Variants in CACNA1I observed in about 807,000 individuals in gnomAD.
The protein encoded by CACNA1I is calcium voltage-gated channel subunit alpha1 I.
In CACNA1I, 74 loss-of-function variants were observed where a neutral mutation model predicts 201.6. The ratio of observed to expected loss-of-function variants is 0.37; its 90% confidence interval spans 0.30 to 0.45. CACNA1I has a LOEUF of 0.45. CACNA1I is among the 20% of genes least tolerant of loss of function. CACNA1I has a pLI of 1.00. For missense variants in CACNA1I, 2,346 were observed against 3,138.1 expected (o/e 0.75, Z 6.03); for synonymous variants, 1,431 against 1,345.2 (o/e 1.06, Z -1.40).
At chr22:39,664,683 G>GC in intron 20 of CACNA1I, 56 bp from the exon 21 acceptor site, 15 of 260,840 alleles carry the variant, frequency 5.8e-5, no homozygotes, top group Admixed American at 1.8e-4. Flanking sequence ...GGTTGGCCCC[G>GC]CCCACCTGCC....
rs1935167424 is a variant in CACNA1I at position 39,665,701 on chromosome 22, ACT to A, written c.3978+79_3978+80del. On this transcript the variant is annotated intron_variant, in intron 22 of 36. Coordinates refer to ENST00000402142, the MANE Select transcript of CACNA1I (RefSeq NM_021096.4). The surrounding 1 kb of genome is among the most constrained non-coding windows in gnomAD (Gnocchi z 5.5). ...GAAGTCTCAGACAGCCAGGGGAGAG[ACT>A]CCACATTCCAACCTCATGCGCCTTG... is the stretch of plus-strand genomic sequence containing the variant. The A allele has an allele frequency of 6.3e-7, 1 of 1,575,184 alleles. No individual in the cohort carries two copies. The highest frequency in any genetic ancestry group is 8.7e-7 in the Non-Finnish European group (1 of 1,154,090).
chr22:39,588,459 C>T lies in CACNA1I; in HGVS notation c.237-9692C>T, dbSNP rs554558260. Among the ~76,000 whole-genome samples the T allele has an allele frequency of 2.7e-5, 4 of 149,412 alleles. No individual in the cohort carries two copies. In the East Asian group the frequency reaches 7.9e-4, roughly 29 times the overall value. On this transcript the variant is annotated intron_variant, in intron 1 of 36. Transcript: ENST00000402142. Reference sequence around the variant, plus strand: ...GGAGTGCAGTGGCGTGATCTCGGCTCACTGCAAGCTCCACCTTCTGAGTTC... The same window carrying T: ...GGAGTGCAGTGGCGTGATCTCGGCTTACTGCAAGCTCCACCTTCTGAGTTC...
At chr22:39,651,088 A>G (rs911310748) in intron 10 of CACNA1I, among the ~76,000 whole-genome samples, 1 of 151,932 alleles carries the variant, frequency 6.6e-6, no homozygotes, top group Non-Finnish European at 1.5e-5. Flanking sequence ...CCCTGAACCC[A>G]CTCCCCAGCT....
intron 32 of CACNA1I, 25 bp from the exon 33 acceptor site, chr22:39,679,697 C>T (rs1257256980): frequency 1.3e-6 from 2 of 1,597,668 alleles, no homozygotes; most frequent in Non-Finnish European, 1.7e-6. Flanking sequence ...TCCCGCCTGT[C>T]CCCACCCCGT....
chr22:39,619,051 C>G (rs1933647265), intron 3 of CACNA1I, among the ~76,000 whole-genome samples: 1 of 152,166 alleles, frequency 6.6e-6, no homozygotes, highest in African/African-American at 2.4e-5. Context: ...GCTGGGCACA[C>G]AGTGGGAGCC....
chr22:39,668,200 A>C, intron 23 of CACNA1I, 92 bp from the exon 24 acceptor site: 1 of 748,996 alleles, frequency 1.3e-6, no homozygotes, highest in Non-Finnish European at 2.3e-6. Context: ...CTGCCTCCCA[A>C]GGGCAGAAGA....
rs954775228 is a variant in CACNA1I at position 39,649,445 on chromosome 22, G to T, written c.1568-56G>T. On this transcript the variant is annotated intron_variant, in intron 9 of 36. Transcript: ENST00000402142. This position sits in a 1 kb window ranked among gnomAD's most constrained non-coding sequence, Gnocchi z 7.3. ...AAGCGCACTCAGGGATGTGTCCCAG[G>T]GTGGATTGGGCCTGGTGTGGGCAAC... 8 of 1,477,558 alleles carry T rather than the reference G, an allele frequency of 5.4e-6. No homozygotes were observed. The highest frequency in any genetic ancestry group is 5.0e-5 in the East Asian group (2 of 40,040). The allele number at this position is 1,477,558 out of a possible 1,614,324, so 91.5% of individuals were successfully genotyped here. A position where few individuals can be genotyped will look rare whatever the true frequency, so the allele number is the denominator to read the frequency against.
chr22:39,664,810 T>A lies in CACNA1I; in HGVS notation c.3738T>A (p.Phe1246Leu). 1 of 1,613,142 alleles carries A rather than the reference T, an allele frequency of 6.2e-7. No homozygotes were observed. The highest frequency in any genetic ancestry group is 1.1e-5 in the South Asian group (1 of 91,056). ...LRSSWNVLDG[F>L]LVFVSIIDIV... ...GCAGCTGGAACGTGCTGGATGGCTT[T>A]CTTGTCTTCGTGTCCATCATCGACA... Residue 1246 changes from phenylalanine to leucine, a missense_variant, in exon 21 of 37, where the codon TTT becomes TTA. Physicochemically the swap from Phe to Leu is conservative, Grantham distance 22. Coordinates refer to ENST00000402142, the MANE Select transcript of CACNA1I (RefSeq NM_021096.4).
Position 39,649,530 on chromosome 22 carries a change from G to T in CACNA1I, c.1597G>T (p.Ala533Ser). The change falls in exon 10 of 37, where the codon GCG (alanine) becomes TCG (serine). Residue 533 changes from alanine (A) to serine (S), a missense_variant. Physicochemically the swap from Ala to Ser is moderately conservative, Grantham distance 99. Coordinates refer to ENST00000402142, the MANE Select transcript of CACNA1I (RefSeq NM_021096.4). This position sits in a 1 kb window ranked among gnomAD's most constrained non-coding sequence, Gnocchi z 7.3. The stretch of plus-strand genomic sequence containing the variant: ...GTGCCCGCAACATAGCCCCCTGGAT[G>T]CGACGCCCCACACCCTGGTGCAGCC... ...ELCPQHSPLD[A>S]TPHTLVQPIP... is the part of the protein sequence containing the mutation. The T allele has an allele frequency of 1.3e-6, 2 of 1,560,318 alleles. No homozygotes were observed. Among genetic ancestry groups the T allele is most frequent in the Non-Finnish European group, 1.7e-6 (2 of 1,152,362 alleles).
rs778097764 is a variant in CACNA1I at position 39,640,855 on chromosome 22, G to A, written c.741-12G>A. On this transcript the variant is annotated splice_polypyrimidine_tract_variant and intron_variant, in intron 5 of 36. Coordinates refer to ENST00000402142, the MANE Select transcript of CACNA1I (RefSeq NM_021096.4). ...CCCTTTCCCTCTTTTACCCACCCTCGCCTGTGGACAGACAAGGGGATGTGG... is the reference window on the plus strand; with the variant it reads ...CCCTTTCCCTCTTTTACCCACCCTCACCTGTGGACAGACAAGGGGATGTGG... 7.4e-5 allele frequency: 118 copies of A among 1,602,486 alleles called. No homozygotes were observed. The highest frequency in any genetic ancestry group is 3.3e-4 in the Middle Eastern group (2 of 6,014).
intron 32 of CACNA1I, 55 bp from the exon 33 acceptor site, chr22:39,679,667 C>G: frequency 6.6e-7 from 1 of 1,515,928 alleles, no homozygotes. Context: ...CACCCCACAG[C>G]CCCGGGACCC....
intron 3 of CACNA1I, among the ~76,000 whole-genome samples, chr22:39,607,238 G>C (rs1241643183): frequency 2.0e-5 from 3 of 152,232 alleles, no homozygotes; most frequent in Non-Finnish European, 4.4e-5. Context: ...GTGGAGAATG[G>C]AACAGCTGAG....
chr22:39,606,202 G>A (rs1010546958), intron 3 of CACNA1I, among the ~76,000 whole-genome samples: 10 of 152,082 alleles, frequency 6.6e-5, no homozygotes, highest in Non-Finnish European at 1.2e-4. Context: ...GGCTGCCCTC[G>A]CCTCAGTGAA....
rs1348384138 is a variant in CACNA1I, at chr22:39,673,979, G to A, written c.4800G>A (p.Lys1600=). 4 of 1,613,196 alleles carry A rather than the reference G, an allele frequency of 2.5e-6. No homozygotes were observed. Among genetic ancestry groups the A allele is most frequent in the East Asian group, 2.2e-5 (1 of 44,896 alleles). Residue 1600 remains lysine (K), a synonymous_variant, in exon 29 of 37, where the codon AAG becomes AAA. Transcript: ENST00000402142. ...CGCCCGCAGTGCTGAAGCTGTTGAA[G>A]ATGGCCACAGGAATGCGGGCCCTGC... The part of the protein sequence containing the change: ...LRIARVLKLL[K]MATGMRALLD...
In CACNA1I at chr22:39,666,554, C is replaced by T. The variant is rs1935204371; in HGVS notation, c.4104+548C>T. ...TCCCCTTGGTCTCCTCTCCTGAGGG[C>T]CTGCCAGGTGTGACCCATCTGGGCA... On this transcript the variant is annotated intron_variant, in intron 23 of 36. Transcript: ENST00000402142. The surrounding 1 kb of genome is among the most constrained non-coding windows in gnomAD (Gnocchi z 4.1). Among the ~76,000 whole-genome samples the T allele has an allele frequency of 6.6e-6, 1 of 152,234 alleles. No individual in the cohort carries two copies. The highest frequency in any genetic ancestry group is 1.5e-5 in the Non-Finnish European group (1 of 68,036).
Position 39,659,228 on chromosome 22 carries a change from G to A in CACNA1I, c.2330+112G>A. 1.5e-6 allele frequency: 2 copies of A among 1,333,538 alleles called. No homozygotes were observed. Among genetic ancestry groups the A allele is most frequent in the East Asian group, 2.5e-5 (1 of 40,584 alleles). The allele number at this position is 1,333,538 out of a possible 1,614,324, so 82.6% of individuals were successfully genotyped here. A position where few individuals can be genotyped will look rare whatever the true frequency, so the allele number is the denominator to read the frequency against. On this transcript the variant is annotated intron_variant, in intron 12 of 36. Transcript: ENST00000402142. This position sits in a 1 kb window ranked among gnomAD's most constrained non-coding sequence, Gnocchi z 4.3. Reference sequence around the variant, plus strand: ...TGGACAAAGCCACCTGGACCTGGGTGTGAAGCCTGACACTGTTCCTCAGTC... The same window carrying A: ...TGGACAAAGCCACCTGGACCTGGGTATGAAGCCTGACACTGTTCCTCAGTC...
intron 31 of CACNA1I, among the ~76,000 whole-genome samples, chr22:39,678,399 G>T (rs1601527618): frequency 1.3e-5 from 2 of 152,228 alleles, no homozygotes; most frequent in East Asian, 3.9e-4. Context: ...GCCCAGGCAG[G>T]CCTGAAGGCC....
At chr22:39,681,375 C>T (rs576756799) in intron 34 of CACNA1I, among the ~76,000 whole-genome samples, 58 of 152,266 alleles carry the variant, frequency 3.8e-4, no homozygotes, top group Non-Finnish European at 7.6e-4. Context: ...CTGAAGCGAA[C>T]GGGGGAGTCA....
In CACNA1I at chr22:39,572,228, G is replaced by T. The variant is rs114432058; in HGVS notation, c.236+1240G>T. 1.0e-2 allele frequency among the ~76,000 whole-genome samples: 1,517 copies of T among 152,256 alleles called. 32 individuals carry two copies. The highest frequency in any genetic ancestry group is 0.034 in the African/African-American group (1,422 of 41,536). ...CACTGGCTTGCAGGGTGAAGTGGGG[G>T]CTGGGGACCACTGAGGAGGAGGCTT... On this transcript the variant is annotated intron_variant, in intron 1 of 36. Coordinates refer to ENST00000402142, the MANE Select transcript of CACNA1I (RefSeq NM_021096.4).
Sources: allele counts gnomAD v4.1 joint callset (sites outside exome capture counted in the v4.1 genomes callset), GRCh38; gene constraint gnomAD v4.1.1; non-coding constraint Gnocchi (gnomAD v3.1); transcripts MANE v1.5; gene names NCBI Gene and HGNC (gene_info 2026-07-23, HGNC 2026-07-21).